The following HSF2BP variants were observed in gnomAD, a reference collection of about 807,000 sequenced individuals.
The protein encoded by HSF2BP is heat shock factor 2-binding protein.
HSF2BP carries 35 observed loss-of-function variants against 35.0 expected under a neutral mutation model. That is an observed-to-expected ratio of 1.00 (90% CI 0.76 to 1.32). The LOEUF is 1.32. Ranked by LOEUF, HSF2BP falls within the 40% of genes most tolerant of loss-of-function variation. HSF2BP has a pLI of 0.00. For synonymous variants in HSF2BP, 114 were observed against 117.4 expected (o/e 0.97, Z 0.18); for missense variants, 326 against 321.7 (o/e 1.01, Z -0.10).
intron 8 of HSF2BP, 118 bp downstream of exon 8, chr21:43,592,107 T>G (rs940855569): frequency 3.1e-6 from 2 of 655,210 alleles, no homozygotes; most frequent in African/African-American, 3.6e-5. Context: ...TAGAGAGGAT[T>G]TGGTGCTATC....
chr21:43,611,437 T>C (rs1040980806), intron 7 of HSF2BP, among the ~76,000 whole-genome samples: 9 of 152,178 alleles, frequency 5.9e-5, no homozygotes, highest in Non-Finnish European at 8.8e-5. Flanking sequence ...GAAGCAGCTA[T>C]TTGAGGACTC....
chr21:43,577,175 G>A (rs1270736521), intron 8 of HSF2BP, among the ~76,000 whole-genome samples: 1 of 152,112 alleles, frequency 6.6e-6, no homozygotes, highest in African/African-American at 2.4e-5. Flanking sequence ...ATTTGCATTT[G>A]GTGTCTTCAC....
At chr21:43,584,748 T>C (rs1358469222) in intron 8 of HSF2BP, among the ~76,000 whole-genome samples, 1 of 152,172 alleles carries the variant, frequency 6.6e-6, no homozygotes, top group African/African-American at 2.4e-5. Context: ...CTTAAAAAAC[T>C]TTCGGATTAA....
chr21:43,658,169 G>T lies in HSF2BP; in HGVS notation c.-73C>A. The T allele has an allele frequency of 7.0e-7, 1 of 1,436,492 alleles. No homozygotes were observed. The highest frequency in any genetic ancestry group is 1.4e-5 in the South Asian group (1 of 71,662). The allele number at this position is 1,436,492 out of a possible 1,614,324, so 89.0% of individuals were successfully genotyped here. ...TGACCCCTCACGCCAGAAAGCGCGG[G>T]AACGAATCCACGCCGGGGGTCGGGA... On this transcript the variant is annotated 5_prime_UTR_variant, in exon 2 of 9. Transcript: ENST00000291560.
chr21:43,574,932 T>C (rs2081623475), intron 8 of HSF2BP, among the ~76,000 whole-genome samples: 1 of 152,090 alleles, frequency 6.6e-6, no homozygotes, highest in Non-Finnish European at 1.5e-5. Context: ...GACACACAGC[T>C]CAGGGCCTCA....
At chr21:43,604,389 CACACACACT>C (rs1231149017) in intron 7 of HSF2BP, among the ~76,000 whole-genome samples, 11 of 136,352 alleles carry the variant, frequency 8.1e-5, no homozygotes, top group African/African-American at 2.5e-4. Flanking sequence ...ACACACACAC[CACACACACT>C]ACACACACAC....
In HSF2BP at chr21:43,597,744, C is replaced by T. The variant is rs1037882005; in HGVS notation, c.693-5416G>A. ...CTTGCCAAGGCTGGTCTTGAATTCT[C>T]GGCCTCAGGCAATTTTCCCACGTCG... On this transcript the variant is annotated intron_variant, in intron 7 of 8. Coordinates refer to ENST00000291560, the MANE Select transcript of HSF2BP (RefSeq NM_007031.2). This position sits in a 1 kb window ranked among gnomAD's most constrained non-coding sequence, Gnocchi z 4.3. Among the ~76,000 whole-genome samples the T allele has an allele frequency of 3.3e-5, 5 of 152,146 alleles. No individual in the cohort carries two copies. The highest frequency in any genetic ancestry group is 1.9e-4 in the East Asian group (1 of 5,194).
At chr21:43,589,548 T>C (rs904256605) in intron 8 of HSF2BP, among the ~76,000 whole-genome samples, 1 of 152,112 alleles carries the variant, frequency 6.6e-6, no homozygotes, top group African/African-American at 2.4e-5. Context: ...GGCTTAAAAA[T>C]AGCCAAAACA....
At chr21:43,608,377 C>T (rs117055805) in intron 7 of HSF2BP, among the ~76,000 whole-genome samples, 5 of 152,046 alleles carry the variant, frequency 3.3e-5, no homozygotes, top group African/African-American at 7.2e-5. Flanking sequence ...ATCAGGGAAA[C>T]GCAAATCAAA....
At chr21:43,623,683 C>T (rs1381994271) in intron 6 of HSF2BP, among the ~76,000 whole-genome samples, 2 of 152,124 alleles carry the variant, frequency 1.3e-5, no homozygotes, top group African/African-American at 2.4e-5. Flanking sequence ...GTCAAGGTTC[C>T]AGAGTGGTCT....
chr21:43,507,140 G>T, the HSF2BP span, among the ~76,000 whole-genome samples: 1 of 130,624 alleles, frequency 7.7e-6, no homozygotes, highest in Non-Finnish European at 1.8e-5. Context: ...ACGCCCCTGT[G>T]AGACTGGAAC....
chr21:43,620,694 C>G (rs2082321155), intron 6 of HSF2BP, among the ~76,000 whole-genome samples: 1 of 151,962 alleles, frequency 6.6e-6, no homozygotes, highest in Non-Finnish European at 1.5e-5. Context: ...GATCCCATCT[C>G]TAAAAAATCA....
At position 43,579,731 on chromosome 21, in the gene HSF2BP, T is replaced by C. The variant is rs188733509; in HGVS notation, c.796+12494A>G. 1.5e-3 allele frequency among the ~76,000 whole-genome samples: 230 copies of C among 152,352 alleles called. 2 individuals carry two copies. The highest frequency in any genetic ancestry group is 5.3e-3 in the African/African-American group (219 of 41,574). On this transcript the variant is annotated intron_variant, in intron 8 of 8. Coordinates refer to ENST00000291560, the MANE Select transcript of HSF2BP (RefSeq NM_007031.2). ...TTTTCAGAGTTCATCAATAACTCTC[T>C]GTTGCCAAATGCTTCTCTTCACTCT... is the stretch of plus-strand genomic sequence containing the variant.
chr21:43,614,526 C>T (rs2082247751), intron 6 of HSF2BP, among the ~76,000 whole-genome samples: 1 of 152,116 alleles, frequency 6.6e-6, no homozygotes, highest in South Asian at 2.1e-4. Context: ...CACTATGCTC[C>T]AGAGTGCTGC....
intron 7 of HSF2BP, among the ~76,000 whole-genome samples, chr21:43,601,402 A>G (rs1320734713): frequency 6.6e-6 from 1 of 152,186 alleles, no homozygotes; most frequent in African/African-American, 2.4e-5. Context: ...AATCTTTCCC[A>G]TGTTTATGAA....
intron 7 of HSF2BP, among the ~76,000 whole-genome samples, chr21:43,605,541 A>T (rs1465969387): frequency 7.2e-6 from 1 of 138,332 alleles, no homozygotes; most frequent in Non-Finnish European, 1.5e-5. Context: ...CACATACCCC[A>T]TACCCTCCAC....
At position 43,652,418 on chromosome 21, in the gene HSF2BP, A is replaced by C. The variant is rs77382710; in HGVS notation, c.187+4169T>G. 2.0e-4 allele frequency among the ~76,000 whole-genome samples: 31 copies of C among 151,896 alleles called. 1 individual carries two copies. Among genetic ancestry groups the C allele is most frequent in the Admixed American group, 9.2e-4 (14 of 15,260 alleles). On this transcript the variant is annotated intron_variant, in intron 3 of 8. Transcript: ENST00000291560. ...ACACCATCAAAAAAAAAAAAAAAAA[A>C]AACAACTGGAAGTGCACATTAACCT...
At chr21:43,640,671 C>T (rs1233974827) in intron 4 of HSF2BP, among the ~76,000 whole-genome samples, 3 of 152,134 alleles carry the variant, frequency 2.0e-5, no homozygotes, top group Admixed American at 1.3e-4. Context: ...CGCAAGATAT[C>T]ACCACTAGGG....
chr21:43,623,705 G>A (rs2082357507), intron 6 of HSF2BP, among the ~76,000 whole-genome samples: 1 of 152,092 alleles, frequency 6.6e-6, no homozygotes. Context: ...CCTTCTTATA[G>A]TGCCTCAAAT....
Sources: gnomAD v4.1 joint callset for allele counts (sites outside exome capture counted in the v4.1 genomes callset) on GRCh38, gnomAD v4.1.1 for gene constraint, Gnocchi (gnomAD v3.1) non-coding constraint, MANE v1.5 for transcripts, NCBI Gene and HGNC (gene_info 2026-07-23, HGNC 2026-07-21) for gene names.